Variants in CREB5 observed in about 807,000 individuals in gnomAD.
CREB5 encodes the protein cAMP responsive element binding protein 5.
A neutral mutation model predicts 57.1 loss-of-function variants in CREB5; 19 were observed. That is an observed-to-expected ratio of 0.33 (90% CI 0.23 to 0.49). CREB5 has a LOEUF of 0.49. Among genes scored for constraint, CREB5 ranks in the 20% least tolerant of loss-of-function variants. The pLI is 0.99. For synonymous variants in CREB5, 238 were observed against 238.3 expected, an observed-to-expected ratio of 1.00 and a Z score of 0.01; for missense variants, 579 against 671.6, an observed-to-expected ratio of 0.86 and a Z score of 1.52.
intron 1 of CREB5, among the ~76,000 whole-genome samples, chr7:28,403,250 G>C (rs1005375045): frequency 6.6e-6 from 1 of 152,096 alleles, no homozygotes; most frequent in Non-Finnish European, 1.5e-5. Flanking sequence ...TGGACTCAGG[G>C]CCAGTTGGAT....
chr7:28,726,564 G>C (rs1454586572), intron 7 of CREB5: 1 of 152,102 alleles, frequency 6.6e-6, no homozygotes, highest in Non-Finnish European at 1.5e-5. Flanking sequence ...GTCAGCCAGA[G>C]CCTCCCCAGG....
At chr7:28,801,169 T>C (rs1201083826) in intron 7 of CREB5, among the ~76,000 whole-genome samples, 2 of 152,224 alleles carry the variant, frequency 1.3e-5, no homozygotes, top group East Asian at 3.8e-4. Flanking sequence ...CAGCTTGATT[T>C]TGTGCAAAGC....
At chr7:28,396,826 C>T (rs1267307448) in intron 1 of CREB5, among the ~76,000 whole-genome samples, 1 of 152,072 alleles carries the variant, frequency 6.6e-6, no homozygotes, top group Non-Finnish European at 1.5e-5. Context: ...CTTCTCTGGC[C>T]CTGTCTTGTC....
intron 1 of CREB5, among the ~76,000 whole-genome samples, chr7:28,485,579 A>C (rs1791513227): frequency 6.6e-6 from 1 of 152,302 alleles, no homozygotes; most frequent in East Asian, 1.9e-4. Flanking sequence ...CAGGCCCCAT[A>C]GCCAATATGA....
intron 1 of CREB5, among the ~76,000 whole-genome samples, chr7:28,367,070 C>A (rs901522941): frequency 6.6e-6 from 1 of 152,162 alleles, no homozygotes; most frequent in Non-Finnish European, 1.5e-5. Context: ...ACTCTTAAGA[C>A]CCCTGGTTTT....
At chr7:28,541,565 G>C (rs1028344738) in intron 4 of CREB5, among the ~76,000 whole-genome samples, 1 of 152,182 alleles carries the variant, frequency 6.6e-6, no homozygotes, top group Non-Finnish European at 1.5e-5. Context: ...TACTTGGGAG[G>C]CTGAGGGAGG....
intron 5 of CREB5, among the ~76,000 whole-genome samples, chr7:28,656,351 G>A (rs998746356): frequency 5.9e-5 from 9 of 152,174 alleles, no homozygotes; most frequent in Non-Finnish European, 1.2e-4. Flanking sequence ...CTTGGACATA[G>A]CATTCCTCAT....
At position 28,593,978 on chromosome 7, in the gene CREB5, G is replaced by T. The variant is rs576700359; in HGVS notation, c.464+23441G>T. ...AACCACTGGTGGGTGAAGAGGCTCT[G>T]CTGAGCCCCTGACTTTGGGTTCCTT... On this transcript the variant is annotated intron_variant, in intron 5 of 10. Transcript: ENST00000357727. Among the ~76,000 whole-genome samples, 4 of 152,336 alleles carry T rather than the reference G, an allele frequency of 2.6e-5. No homozygotes were observed. The East Asian group carries it at 7.7e-4, about 29-fold the overall frequency.
chr7:28,687,974 G>A (rs964115174), intron 5 of CREB5, among the ~76,000 whole-genome samples: 1 of 152,182 alleles, frequency 6.6e-6, no homozygotes, highest in Admixed American at 6.5e-5. Context: ...GATCTCTGGA[G>A]TCTCTTTCCA....
Position 28,455,757 on chromosome 7 carries a change from T to C in CREB5, c.4-32418T>C, listed in dbSNP as rs145280945. 9.4e-3 allele frequency among the ~76,000 whole-genome samples: 1,430 copies of C among 151,958 alleles called. 20 individuals carry two copies. The highest frequency in any genetic ancestry group is 9.6e-3 in the Non-Finnish European group (654 of 67,952). ...TTTAGGAAGATCCCCCAGGGGACAGTGTAAAGGAGGAATGAGAGAGGGGAG... is the reference window on the plus strand; with the variant it reads ...TTTAGGAAGATCCCCCAGGGGACAGCGTAAAGGAGGAATGAGAGAGGGGAG... On this transcript the variant is annotated intron_variant, in intron 1 of 10. Transcript: ENST00000357727.
At position 28,795,606 on chromosome 7, in the gene CREB5, T is replaced by C. The variant is rs557423522; in HGVS notation, c.703-8593T>C. Among the ~76,000 whole-genome samples the C allele has an allele frequency of 1.7e-4, 26 of 152,344 alleles. No individual in the cohort carries two copies. The South Asian group carries it at 3.9e-3, about 23-fold the overall frequency. Reference sequence around the variant, plus strand: ...CAGTGTTTCGCATAAGGTGGCATCATAATGAATATTAGTAAGTCTCAGATG... The same window carrying C: ...CAGTGTTTCGCATAAGGTGGCATCACAATGAATATTAGTAAGTCTCAGATG... On this transcript the variant is annotated intron_variant, in intron 7 of 10. Coordinates refer to ENST00000357727, the MANE Select transcript of CREB5 (RefSeq NM_182898.4).
At chr7:28,528,772 T>TAA (rs34947879) in intron 4 of CREB5, among the ~76,000 whole-genome samples, 32 of 92,590 alleles carry the variant, frequency 3.5e-4, no homozygotes, top group East Asian at 1.3e-3. Context: ...TGTTTTAGGT[T>TAA]AAAAAAAAAA....
intron 5 of CREB5, among the ~76,000 whole-genome samples, chr7:28,603,899 G>C (rs964032137): frequency 1.3e-5 from 2 of 152,106 alleles, no homozygotes; most frequent in Non-Finnish European, 2.9e-5. Context: ...TGTCCTCAAG[G>C]GATCTGTGGC....
intron 1 of CREB5, among the ~76,000 whole-genome samples, chr7:28,483,287 C>G (rs1422619254): frequency 1.3e-5 from 2 of 152,056 alleles, no homozygotes; most frequent in Non-Finnish European, 2.9e-5. Context: ...CATTTTAGAC[C>G]AGGAATTTGT....
intron 7 of CREB5, among the ~76,000 whole-genome samples, chr7:28,727,936 G>C (rs1195332530): frequency 6.8e-6 from 1 of 147,214 alleles, no homozygotes; most frequent in African/African-American, 2.5e-5. Flanking sequence ...GTCCCTGTTT[G>C]TTTGTTTGTT....
intron 4 of CREB5, among the ~76,000 whole-genome samples, chr7:28,534,878 A>C (rs1490975922): frequency 7.1e-6 from 1 of 141,800 alleles, no homozygotes; most frequent in Non-Finnish European, 1.6e-5. Flanking sequence ...AGGCCTTCTA[A>C]GTGAGAAAGC....
chr7:28,476,231 G>C (rs912788966), intron 1 of CREB5, among the ~76,000 whole-genome samples: 1 of 152,146 alleles, frequency 6.6e-6, no homozygotes, highest in African/African-American at 2.4e-5. Flanking sequence ...GGATTTGCTT[G>C]ATAATTGCTG....
chr7:28,581,683 G>A (rs967924439), intron 5 of CREB5, among the ~76,000 whole-genome samples: 2 of 152,156 alleles, frequency 1.3e-5, no homozygotes, highest in African/African-American at 4.8e-5. Context: ...TCCAGTTATT[G>A]TATCAGGCCC....
At chr7:28,302,035 C>T (rs190320035) in intron 1 of CREB5, among the ~76,000 whole-genome samples, 1 of 152,060 alleles carries the variant, frequency 6.6e-6, no homozygotes, top group African/African-American at 2.4e-5. Flanking sequence ...AATTGAAATT[C>T]GTTAAAATAG....
Sources: allele counts gnomAD v4.1 joint callset (sites outside exome capture counted in the v4.1 genomes callset), GRCh38; gene constraint gnomAD v4.1.1; transcripts MANE v1.5; gene names NCBI Gene and HGNC (gene_info 2026-07-23, HGNC 2026-07-21).